The following FN1 variants were observed in gnomAD, a reference collection of about 807,000 sequenced individuals.
FN1 encodes fibronectin.
In FN1, 106 loss-of-function variants were observed where a neutral mutation model predicts 297.3. The ratio of observed to expected loss-of-function variants is 0.36; its 90% CI spans 0.30 to 0.42. FN1 has a LOEUF of 0.42. FN1 is among the 10% of genes least tolerant of loss of function. FN1 has a pLI of 1.00. For missense variants in FN1, 2,690 were observed against 3,124.9 expected, an observed-to-expected ratio of 0.86 and a Z score of 3.32; for synonymous variants, 1,149 against 1,152.6, an observed-to-expected ratio of 1.00 and a Z score of 0.06.
chr2:215,433,180 G>T, intron 3 of FN1, 144 bp downstream of exon 3: 1 of 923,240 alleles, frequency 1.1e-6, no homozygotes, highest in Non-Finnish European at 1.8e-6. Flanking sequence ...AACCAGTTGG[G>T]TGACCACTTA....
intron 39 of FN1, 37 bp from the exon 40 acceptor site, chr2:215,372,412 C>T (rs1186949787): frequency 6.8e-7 from 1 of 1,467,200 alleles, no homozygotes; most frequent in Non-Finnish European, 9.6e-7. Flanking sequence ...AAGCAAAGCG[C>T]ATTAAGCTCC....
Position 215,407,310 on chromosome 2 carries a change from C to A in FN1, c.2530G>T (p.Val844Phe). Reference protein sequence around the residue: ...PQAPITGYRIVYSPSVEGSST... With the variant: ...PQAPITGYRIFYSPSVEGSST... ...CTACCTTCTACTGATGGCGAATAGA[C>A]TATTCTGTACCCTGCAGATTCATGA... The change falls in exon 18 of 46, where the codon GTC (valine) becomes TTC (phenylalanine). Residue 844 changes from valine (V) to phenylalanine (F), a missense_variant. Coordinates refer to ENST00000354785, the MANE Select transcript of FN1 (RefSeq NM_212482.4). 6.2e-7 allele frequency: 1 copy of A among 1,614,078 alleles called. No homozygotes were observed. The highest frequency in any genetic ancestry group is 8.5e-7 in the Non-Finnish European group (1 of 1,179,940).
intron 13 of FN1, among the ~76,000 whole-genome samples, chr2:215,410,899 C>T (rs554454969): frequency 1.1e-4 from 16 of 152,256 alleles, no homozygotes; most frequent in African/African-American, 3.9e-4. Flanking sequence ...TTTATTCCTA[C>T]CACAAACAGA....
chr2:215,435,646 A>G lies in FN1; in HGVS notation c.148+9T>C, dbSNP rs767817479. The G allele has an allele frequency of 5.9e-5, 95 of 1,613,436 alleles. No homozygotes were observed. The highest frequency in any genetic ancestry group is 7.6e-5 in the Non-Finnish European group (90 of 1,179,990). On this transcript the variant is annotated intron_variant, in intron 1 of 45. Coordinates refer to ENST00000354785, the MANE Select transcript of FN1 (RefSeq NM_212482.4). The stretch of plus-strand genomic sequence containing the variant: ...AGGCAGCCTGTTTCAGCCCGCGGTC[A>G]GTACTCACGCTTGCTTTGACTGACA...
In FN1 at chr2:215,388,271, C is replaced by T; in HGVS notation, c.4283G>A (p.Ser1428Asn). 2 of 1,613,956 alleles carry T rather than the reference C, an allele frequency of 1.2e-6. No individual in the cohort carries two copies. Among genetic ancestry groups the T allele is most frequent in the Middle Eastern group, 1.7e-4 (1 of 6,060 alleles). Residue 1428 changes from serine to asparagine, a missense_variant, in exon 27 of 46, where the codon AGT (serine) becomes AAT (asparagine). By Grantham distance (46) the Ser-to-Asn change is conservative. Around this residue, in one of 3 missense-constraint regions of FN1, gnomAD observed 1,743 missense variants for 1,945.2 expected, o/e 0.90. Coordinates refer to ENST00000354785, the MANE Select transcript of FN1 (RefSeq NM_212482.4). ...ATGTTGTTCGTAGACACTGGAGACA[C>T]TCACTACATATTCTGTACCAGGCAG... is the stretch of plus-strand genomic sequence containing the variant. ...NLLPGTEYVVSVSSVYEQHES... is the reference protein window; with the variant it reads ...NLLPGTEYVVNVSSVYEQHES...
chr2:215,414,924 C>T lies in FN1; in HGVS notation c.1854G>A (p.Glu618=). 4 of 1,613,866 alleles carry T rather than the reference C, an allele frequency of 2.5e-6. No homozygotes were observed. Among genetic ancestry groups the T allele is most frequent in the Non-Finnish European group, 3.4e-6 (4 of 1,179,878 alleles). ...SSGPVEVFIT[E]TPSQPNSHPI... is the part of the protein sequence containing the mutation. ...GGTGGGAGTTGGGCTGACTCGGAGT[C>T]TCAGTGATAAATACTTCGACAGGAC... The change falls in exon 13 of 46, where the codon GAG becomes GAA. Residue 618 remains glutamate (E), a synonymous_variant. Coordinates refer to ENST00000354785, the MANE Select transcript of FN1 (RefSeq NM_212482.4).
rs572968350 is a variant in FN1 at position 215,361,328 on chromosome 2, C to A, written c.*227G>T. Reference sequence around the variant, plus strand: ...AAATACTGAGCGGTATTGAATACTTCGAAGCAGAACAGGCAATGTGCAGCC... The same window carrying A: ...AAATACTGAGCGGTATTGAATACTTAGAAGCAGAACAGGCAATGTGCAGCC... On this transcript the variant is annotated 3_prime_UTR_variant, in exon 46 of 46. Transcript: ENST00000354785. 3.6e-6 allele frequency: 2 copies of A among 559,958 alleles called. No individual in the cohort carries two copies. Among genetic ancestry groups the A allele is most frequent in the Non-Finnish European group, 6.4e-6 (2 of 311,980 alleles). 34.7% of individuals were successfully genotyped at this position (559,958 alleles called of 1,614,324 possible).
chr2:215,419,499 C>A lies in FN1; in HGVS notation c.1676-114G>T, dbSNP rs968183573. 48 of 862,698 alleles carry A rather than the reference C, an allele frequency of 5.6e-5. No homozygotes were observed. The Admixed American group carries it at 8.7e-4, about 16-fold the overall frequency. 53.4% of individuals were successfully genotyped at this position (862,698 alleles called of 1,614,324 possible). ...AAATAGAAATTTGCAATTGTTCTTA[C>A]AAATATATGCAGTTAAAAAAATATT... On this transcript the variant is annotated intron_variant, in intron 11 of 45. Coordinates refer to ENST00000354785, the MANE Select transcript of FN1 (RefSeq NM_212482.4).
At chr2:215,424,363 T>C in intron 7 of FN1, 38 bp from the exon 8 acceptor site, 1 of 1,557,674 alleles carries the variant, frequency 6.4e-7, no homozygotes, top group Non-Finnish European at 8.9e-7. Flanking sequence ...TAAACAGAGA[T>C]GCTTTATCTC....
chr2:215,430,875 A>C (rs1447511070), intron 4 of FN1, 23 bp from the exon 5 acceptor site: 3 of 1,613,416 alleles, frequency 1.9e-6, no homozygotes, highest in Non-Finnish European at 2.5e-6. Context: ...TTGGAAGAAA[A>C]ACAGGAAAAA....
At chr2:215,420,208 G>A (rs534972483) in intron 11 of FN1, among the ~76,000 whole-genome samples, 5 of 152,006 alleles carry the variant, frequency 3.3e-5, no homozygotes, top group Admixed American at 2.6e-4. Flanking sequence ...GCCTGGTGGC[G>A]CATGCCTGTA....
rs201068857 is a variant in FN1 at position 215,424,235 on chromosome 2, G to A, written c.1127C>T (p.Thr376Ile). ...AAGATGTCCGTCCTGTCGCCCTTCT[G>A]TGGTGCAGGAGTAGAACGTCCTGCC... ...YNGRTFYSCT[T>I]EGRQDGHLWC... Residue 376 changes from threonine (T) to isoleucine (I), a missense_variant, in exon 8 of 46, where the codon ACA becomes ATA. Thr to Ile is a moderately conservative substitution (Grantham distance 89, BLOSUM62 -1). Coordinates refer to ENST00000354785, the MANE Select transcript of FN1 (RefSeq NM_212482.4). 1.3e-5 allele frequency: 21 copies of A among 1,614,028 alleles called. No homozygotes were observed. The highest frequency in any genetic ancestry group is 1.8e-5 in the Non-Finnish European group (21 of 1,180,000).
chr2:215,435,288 A>T (rs1446779364), intron 1 of FN1, among the ~76,000 whole-genome samples: 1 of 152,216 alleles, frequency 6.6e-6, no homozygotes, highest in Non-Finnish European at 1.5e-5. Flanking sequence ...CCAATTATTT[A>T]ACAGAAGGAA....
At position 215,414,941 on chromosome 2, in the gene FN1, C is replaced by T. The variant is rs1272001331; in HGVS notation, c.1837G>A (p.Glu613Lys). ...CTCGGAGTCTCAGTGATAAATACTT[C>T]GACAGGACCACTTGAGCCTGAAAAT... ...QTYPSSSGPVEVFITETPSQP... is the reference protein window; with the variant it reads ...QTYPSSSGPVKVFITETPSQP... The change falls in exon 13 of 46, where the codon GAA becomes AAA. Residue 613 changes from glutamate to lysine, a missense_variant. By Grantham distance (56) the Glu-to-Lys change is moderately conservative. Coordinates refer to ENST00000354785, the MANE Select transcript of FN1 (RefSeq NM_212482.4). 4.3e-6 allele frequency: 7 copies of T among 1,613,450 alleles called. No individual in the cohort carries two copies. Among genetic ancestry groups the T allele is most frequent in the South Asian group, 3.3e-5 (3 of 91,042 alleles).
chr2:215,386,308 C>G (rs1050558983), intron 28 of FN1, among the ~76,000 whole-genome samples: 1 of 151,580 alleles, frequency 6.6e-6, no homozygotes, highest in Non-Finnish European at 1.5e-5. Flanking sequence ...AACTTCTGAC[C>G]TCAAGTGATC....
At chr2:215,388,187 T>TACC in intron 27 of FN1, 25 bp downstream of exon 27, 1 of 1,532,230 alleles carries the variant, frequency 6.5e-7, no homozygotes, top group Non-Finnish European at 9.0e-7. Context: ...AGCTACTGGA[T>TACC]AGTCATACTG....
At chr2:215,431,440 G>A (rs962141863) in intron 4 of FN1, among the ~76,000 whole-genome samples, 2 of 152,148 alleles carry the variant, frequency 1.3e-5, no homozygotes, top group Non-Finnish European at 2.9e-5. Context: ...AGTGTGACAA[G>A]CACACACTAT....
In FN1 at chr2:215,388,221, G is replaced by C; in HGVS notation, c.4333C>G (p.Gln1445Glu). 1.2e-6 allele frequency: 2 copies of C among 1,612,764 alleles called. No individual in the cohort carries two copies. The highest frequency in any genetic ancestry group is 1.7e-6 in the Non-Finnish European group (2 of 1,178,804). Residue 1445 changes from glutamine to glutamate, a missense_variant, in exon 27 of 46, where the codon CAG (glutamine) becomes GAG (glutamate). Physicochemically the swap from Gln to Glu is conservative, Grantham distance 29 (BLOSUM62 2). Around this residue, in one of 3 missense-constraint regions of FN1, gnomAD observed 1,743 missense variants for 1,945.2 expected, o/e 0.90. Transcript: ENST00000354785. ...TGCCAACACCACTCACCTGTTTTCT[G>C]TCTTCCTCTAAGAGGTGTGCTCTCA... is the stretch of plus-strand genomic sequence containing the variant. Reference protein sequence around the residue: ...QHESTPLRGRQKTGLDSPTGI... With the variant: ...QHESTPLRGREKTGLDSPTGI...
chr2:215,397,539 G>C (rs1223384281), intron 22 of FN1, 141 bp downstream of exon 22: 2 of 738,360 alleles, frequency 2.7e-6, no homozygotes, highest in African/African-American at 3.5e-5. Context: ...CCAAATTCAG[G>C]AATAGCATTA....
Sources: allele counts gnomAD v4.1 joint callset (sites outside exome capture counted in the v4.1 genomes callset), GRCh38; gene constraint gnomAD v4.1.1; regional missense constraint gnomAD v4.1.1; transcripts MANE v1.5; gene names NCBI Gene and HGNC (gene_info 2026-07-23, HGNC 2026-07-21).